The following ARHGAP10 variants were observed in gnomAD, a reference collection of about 807,000 sequenced individuals.
The protein encoded by ARHGAP10 is Rho GTPase activating protein 10, also known as rho GTPase-activating protein 10.
ARHGAP10 carries 87 observed loss-of-function variants against 108.6 expected under a neutral mutation model. The ratio of observed to expected loss-of-function variants is 0.80; its 90% CI spans 0.67 to 0.96. ARHGAP10 has a LOEUF of 0.96. ARHGAP10 is among the 40% of genes least tolerant of loss of function. The pLI is 0.00. For missense variants in ARHGAP10, 939 were observed against 954.5 expected, an observed-to-expected ratio of 0.98 and a Z score of 0.21; for synonymous variants, 347 against 341.1, an observed-to-expected ratio of 1.02 and a Z score of -0.19.
chr4:148,008,636 A>G (rs575445766), intron 18 of ARHGAP10, among the ~76,000 whole-genome samples: 3 of 152,188 alleles, frequency 2.0e-5, no homozygotes, highest in South Asian at 4.2e-4. Context: ...TAGTTCTACT[A>G]ACAGTGTCTG....
At chr4:147,834,207 C>T (rs907724889) in intron 3 of ARHGAP10, among the ~76,000 whole-genome samples, 1 of 152,178 alleles carries the variant, frequency 6.6e-6, no homozygotes, top group Admixed American at 6.5e-5. Flanking sequence ...TGGTGGCTTA[C>T]ACCTGTAGTC....
At chr4:147,767,038 A>T (rs1002283849) in intron 1 of ARHGAP10, among the ~76,000 whole-genome samples, 1 of 151,334 alleles carries the variant, frequency 6.6e-6, no homozygotes, top group Non-Finnish European at 1.5e-5. Context: ...TCTAGTAGAG[A>T]TGGGGTTTCT....
chr4:147,784,773 TATA>T (rs377496512), intron 1 of ARHGAP10, among the ~76,000 whole-genome samples: 1,584 of 32,528 alleles, frequency 0.049, 356 homozygotes, highest in Non-Finnish European at 0.05. Flanking sequence ...ATATTATAAA[TATA>T]ATATATTATA....
intron 13 of ARHGAP10, among the ~76,000 whole-genome samples, chr4:147,937,060 G>C: frequency 6.6e-6 from 1 of 152,116 alleles, no homozygotes; most frequent in East Asian, 1.9e-4. Flanking sequence ...GAATCATTCT[G>C]AAACCATCCC....
chr4:148,036,821 A>G (rs938025134), intron 19 of ARHGAP10, among the ~76,000 whole-genome samples: 1 of 152,128 alleles, frequency 6.6e-6, no homozygotes, highest in Non-Finnish European at 1.5e-5. Context: ...CATGCTGCTC[A>G]GACTGCTCTG....
chr4:147,961,001 C>T (rs1184787968), intron 16 of ARHGAP10, among the ~76,000 whole-genome samples: 2 of 152,174 alleles, frequency 1.3e-5, no homozygotes, highest in Non-Finnish European at 2.9e-5. Context: ...TAGAACGCTG[C>T]TGTGAGTATA....
intron 19 of ARHGAP10, among the ~76,000 whole-genome samples, chr4:148,024,588 C>T (rs1741694830): frequency 6.6e-6 from 1 of 152,166 alleles, no homozygotes; most frequent in African/African-American, 2.4e-5. Flanking sequence ...TTGCTTAAGA[C>T]GTAGGTACAT....
At position 148,046,991 on chromosome 4, in the gene ARHGAP10, G is replaced by T. The variant is rs2149680284; in HGVS notation, c.1967G>T (p.Gly656Val). 1 of 1,614,126 alleles carries T rather than the reference G, an allele frequency of 6.2e-7. No individual in the cohort carries two copies. The highest frequency in any genetic ancestry group is 1.7e-5 in the Admixed American group (1 of 60,012). ...ACTACAGCTGTCCCTGGGCCTCCTG[G>T]ACCAGACAAAAACCACCTTCTGGCA... ...PVTTAVPGPP[G>V]PDKNHLLADG... Residue 656 changes from glycine to valine, a missense_variant, in exon 20 of 23, where the codon GGA becomes GTA. Coordinates refer to ENST00000336498, the MANE Select transcript of ARHGAP10 (RefSeq NM_024605.4).
chr4:147,774,484 A>G (rs967619005), intron 1 of ARHGAP10, among the ~76,000 whole-genome samples: 2 of 152,236 alleles, frequency 1.3e-5, no homozygotes, highest in African/African-American at 4.8e-5. Context: ...GACAAGGGTT[A>G]TATAAGGACA....
chr4:147,741,698 C>T (rs190889465), intron 1 of ARHGAP10, among the ~76,000 whole-genome samples: 18 of 151,650 alleles, frequency 1.2e-4, no homozygotes, highest in African/African-American at 4.1e-4. Flanking sequence ...TAAACACATA[C>T]ACACACACAC....
At chr4:147,907,886 A>C (rs1369089414) in intron 11 of ARHGAP10, among the ~76,000 whole-genome samples, 1 of 152,180 alleles carries the variant, frequency 6.6e-6, no homozygotes, top group East Asian at 1.9e-4. Flanking sequence ...TCTGTTGCCC[A>C]GTCTGCAGTG....
chr4:148,069,362 C>T (rs1374680218), intron 22 of ARHGAP10, among the ~76,000 whole-genome samples: 1 of 152,166 alleles, frequency 6.6e-6, no homozygotes, highest in African/African-American at 2.4e-5. Context: ...AGTGACATCT[C>T]TCTCCCTACT....
chr4:147,901,385 G>A (rs1736232212), intron 10 of ARHGAP10, among the ~76,000 whole-genome samples: 1 of 152,222 alleles, frequency 6.6e-6, no homozygotes, highest in African/African-American at 2.4e-5. Context: ...CGTTGCAAGT[G>A]TGAAGTGTTC....
intron 1 of ARHGAP10, among the ~76,000 whole-genome samples, chr4:147,791,721 AT>A (rs1172218799): frequency 2.0e-5 from 3 of 152,068 alleles, no homozygotes; most frequent in Admixed American, 2.0e-4. Flanking sequence ...AGTAGCTGAG[AT>A]TATAGGCACC....
intron 3 of ARHGAP10, among the ~76,000 whole-genome samples, chr4:147,823,433 A>G (rs1201538177): frequency 2.0e-5 from 3 of 152,132 alleles, no homozygotes; most frequent in African/African-American, 2.4e-5. Context: ...CCCACTTTGC[A>G]TCAAGATTCA....
At chr4:148,000,613 G>A (rs780178407) in intron 18 of ARHGAP10, among the ~76,000 whole-genome samples, 2 of 152,116 alleles carry the variant, frequency 1.3e-5, no homozygotes, top group African/African-American at 4.8e-5. Context: ...TTTAATGATT[G>A]CCATTCTAAC....
At chr4:147,799,214 T>C (rs1731477417) in intron 1 of ARHGAP10, among the ~76,000 whole-genome samples, 1 of 152,032 alleles carries the variant, frequency 6.6e-6, no homozygotes, top group Non-Finnish European at 1.5e-5. Context: ...TTTGTATTTT[T>C]AGTAGAGACG....
intron 1 of ARHGAP10, among the ~76,000 whole-genome samples, chr4:147,779,003 A>G (rs898241952): frequency 6.6e-6 from 1 of 152,188 alleles, no homozygotes; most frequent in African/African-American, 2.4e-5. Flanking sequence ...GGAATAGCGA[A>G]TATGTGTTTG....
chr4:148,062,264 G>T (rs1578840532), intron 20 of ARHGAP10, among the ~76,000 whole-genome samples: 1 of 152,306 alleles, frequency 6.6e-6, no homozygotes, highest in East Asian at 1.9e-4. Context: ...TCTCCGGCAG[G>T]GGAAACAATC....
Sources: gnomAD v4.1 joint callset for allele counts (sites outside exome capture counted in the v4.1 genomes callset) on GRCh38, gnomAD v4.1.1 for gene constraint, MANE v1.5 for transcripts, NCBI Gene and HGNC (gene_info 2026-07-23, HGNC 2026-07-21) for gene names.